Variants in CTNNBL1 observed in about 807,000 individuals in gnomAD.
CTNNBL1 encodes the protein beta-catenin-like protein 1.
In CTNNBL1, 31 loss-of-function variants were observed where a neutral mutation model predicts 72.7. That is an observed-to-expected ratio of 0.43 (90% confidence interval 0.32 to 0.58). CTNNBL1 has a LOEUF of 0.58. Ranked by LOEUF, CTNNBL1 falls within the 20% of genes least tolerant of loss-of-function variation. The pLI, the probability that CTNNBL1 is intolerant of heterozygous loss-of-function variation, is 0.08. For synonymous variants in CTNNBL1, 240 were observed against 267.3 expected (o/e 0.90, Z 1.00); for missense variants, 534 against 725.1 (o/e 0.74, Z 3.03).
At chr20:37,768,929 C>T (rs1214207980) in intron 7 of CTNNBL1, among the ~76,000 whole-genome samples, 1 of 152,096 alleles carries the variant, frequency 6.6e-6, no homozygotes, top group Admixed American at 6.5e-5. Flanking sequence ...CAGGTGTGCG[C>T]CACCACGCCT....
At chr20:37,794,646 C>A (rs571580139) in intron 10 of CTNNBL1, among the ~76,000 whole-genome samples, 2 of 151,966 alleles carry the variant, frequency 1.3e-5, no homozygotes, top group Non-Finnish European at 2.9e-5. Flanking sequence ...GTACCCACCA[C>A]GACACCTGGC....
chr20:37,758,645 A>T (rs553197100), intron 5 of CTNNBL1, among the ~76,000 whole-genome samples: 74 of 152,150 alleles, frequency 4.9e-4, no homozygotes, highest in African/African-American at 1.7e-3. Context: ...CCCTGATACC[A>T]CCTGTGGAGC....
At chr20:37,722,580 C>T (rs913898486) in intron 1 of CTNNBL1, among the ~76,000 whole-genome samples, 2 of 152,040 alleles carry the variant, frequency 1.3e-5, no homozygotes, top group African/African-American at 4.8e-5. Context: ...AATTGAATTC[C>T]GTGCTTTCTT....
At chr20:37,846,554 C>T (rs1022514204) in intron 13 of CTNNBL1, among the ~76,000 whole-genome samples, 6 of 152,076 alleles carry the variant, frequency 3.9e-5, no homozygotes, top group African/African-American at 1.5e-4. Context: ...TTGCACAGGG[C>T]CTGGCACACA....
chr20:37,754,532 C>T (rs921592068), intron 4 of CTNNBL1, among the ~76,000 whole-genome samples: 52 of 152,036 alleles, frequency 3.4e-4, no homozygotes, highest in Admixed American at 7.9e-4. Context: ...ATGAACTTTT[C>T]AAGAGAATAA....
chr20:37,810,998 G>A (rs994505353), intron 11 of CTNNBL1, among the ~76,000 whole-genome samples: 1 of 152,198 alleles, frequency 6.6e-6, no homozygotes, highest in African/African-American at 2.4e-5. Context: ...CAAGTGCTTA[G>A]CACAGACCCT....
intron 1 of CTNNBL1, 112 bp from the exon 2 acceptor site, chr20:37,732,767 A>T: frequency 2.2e-6 from 2 of 922,848 alleles, no homozygotes; most frequent in Non-Finnish European, 3.2e-6. Flanking sequence ...TCCTGGGCTC[A>T]AGAGATCTGC....
chr20:37,765,136 G>T, intron 5 of CTNNBL1, 61 bp from the exon 6 acceptor site: 1 of 1,136,168 alleles, frequency 8.8e-7, no homozygotes, highest in East Asian at 2.6e-5. Context: ...TATGGGAACG[G>T]GAACATTTTG....
At chr20:37,737,125 G>A (rs2073178169) in intron 2 of CTNNBL1, among the ~76,000 whole-genome samples, 1 of 152,130 alleles carries the variant, frequency 6.6e-6, no homozygotes, top group Admixed American at 6.5e-5. Flanking sequence ...TCGGTAAGCT[G>A]AGGCAGGAGA....
intron 11 of CTNNBL1, among the ~76,000 whole-genome samples, chr20:37,830,669 CA>C (rs532206837): frequency 7.9e-5 from 12 of 152,298 alleles, no homozygotes; most frequent in African/African-American, 2.6e-4. Flanking sequence ...AAAAACCCAT[CA>C]TGAGTTGAAA....
At position 37,733,077 on chromosome 20, in the gene CTNNBL1, C is replaced by T. The variant is rs778266859; in HGVS notation, c.219+10C>T. 6.2e-6 allele frequency: 10 copies of T among 1,610,606 alleles called. No individual in the cohort carries two copies. In the African/African-American group the frequency reaches 1.3e-4, roughly 22 times the overall value. On this transcript the variant is annotated intron_variant, in intron 2 of 15. Transcript: ENST00000361383. ...AGAGGAAGAGGAAGAGGTAACGTGG[C>T]AGCGCTGGGTGGGAGCTGAGATGGC...
intron 5 of CTNNBL1, among the ~76,000 whole-genome samples, chr20:37,760,309 T>G (rs1442881234): frequency 6.6e-6 from 1 of 152,212 alleles, no homozygotes; most frequent in Non-Finnish European, 1.5e-5. Flanking sequence ...GTCCCCAAAC[T>G]TGCCATGTGC....
intron 15 of CTNNBL1, among the ~76,000 whole-genome samples, chr20:37,861,791 G>C (rs1290526627): frequency 6.6e-6 from 1 of 152,206 alleles, no homozygotes; most frequent in African/African-American, 2.4e-5. Context: ...GATTGAATGA[G>C]GTGACACAAG....
chr20:37,769,875 A>G (rs1223147062), intron 7 of CTNNBL1, among the ~76,000 whole-genome samples: 1 of 152,232 alleles, frequency 6.6e-6, no homozygotes, highest in African/African-American at 2.4e-5. Context: ...TGGCAGGGCT[A>G]AAGGAGAAGG....
chr20:37,757,447 A>G (rs1020678467), intron 4 of CTNNBL1, 112 bp from the exon 5 acceptor site: 1 of 662,294 alleles, frequency 1.5e-6, no homozygotes, highest in South Asian at 1.9e-5. Flanking sequence ...ACTGGAGTCT[A>G]TTAAAGGTAG....
At chr20:37,864,733 C>T (rs2072522772) in intron 15 of CTNNBL1, among the ~76,000 whole-genome samples, 2 of 152,216 alleles carry the variant, frequency 1.3e-5, no homozygotes, top group African/African-American at 4.8e-5. Context: ...AGCAGACTTA[C>T]TGCCATTTAT....
chr20:37,800,315 G>A (rs1386285716), intron 10 of CTNNBL1, among the ~76,000 whole-genome samples: 13 of 152,026 alleles, frequency 8.6e-5, no homozygotes, highest in African/African-American at 2.7e-4. Flanking sequence ...ATCTTGACCC[G>A]GCTTCCCTCT....
intron 1 of CTNNBL1, among the ~76,000 whole-genome samples, chr20:37,711,391 A>G (rs2072936585): frequency 6.6e-6 from 1 of 151,896 alleles, no homozygotes; most frequent in African/African-American, 2.4e-5. Context: ...TTAGTGCTCC[A>G]TATTGAACCT....
At chr20:37,743,808 A>T (rs1034229191) in intron 3 of CTNNBL1, among the ~76,000 whole-genome samples, 2 of 152,168 alleles carry the variant, frequency 1.3e-5, no homozygotes, top group African/African-American at 4.8e-5. Flanking sequence ...ATATCAATAC[A>T]TTAAAATAAA....
Sources: gnomAD v4.1 joint callset for allele counts (sites outside exome capture counted in the v4.1 genomes callset) on GRCh38, gnomAD v4.1.1 for gene constraint, MANE v1.5 for transcripts, NCBI Gene and HGNC (gene_info 2026-07-23, HGNC 2026-07-21) for gene names.